The following TMEM62 variants were observed in gnomAD, a reference collection of about 807,000 sequenced individuals.
TMEM62 encodes the protein transmembrane protein 62.
Under a neutral mutation model 70.4 loss-of-function variants are expected in TMEM62, and 41 were observed. That is an observed-to-expected ratio of 0.58 (90% CI 0.45 to 0.76). TMEM62 has a LOEUF of 0.76. Ranked by LOEUF, TMEM62 falls within the 30% of genes least tolerant of loss-of-function variation. TMEM62 has a pLI of 0.00. For synonymous variants in TMEM62, 268 were observed against 291.0 expected (o/e 0.92, Z 0.80); for missense variants, 688 against 788.5 (o/e 0.87, Z 1.53).
chr15:43,167,223 C>G (rs533285444), intron 10 of TMEM62, among the ~76,000 whole-genome samples: 12 of 151,358 alleles, frequency 7.9e-5, no homozygotes, highest in Non-Finnish European at 1.6e-4. Flanking sequence ...GCTGACCCCC[C>G]ACCTCCCTCC....
At chr15:43,182,682 G>A (rs1337924772) in intron 13 of TMEM62, among the ~76,000 whole-genome samples, 1 of 152,078 alleles carries the variant, frequency 6.6e-6, no homozygotes, top group Non-Finnish European at 1.5e-5. Flanking sequence ...TCGAACTCCT[G>A]ACCTCAGGTG....
At chr15:43,163,497 C>G (rs1386361105) in intron 10 of TMEM62, among the ~76,000 whole-genome samples, 1 of 151,446 alleles carries the variant, frequency 6.6e-6, no homozygotes, top group Non-Finnish European at 1.5e-5. Flanking sequence ...AAATACGGTT[C>G]TGGGGCCGGG....
chr15:43,161,903 C>T (rs1240830820), intron 10 of TMEM62, among the ~76,000 whole-genome samples: 1 of 152,020 alleles, frequency 6.6e-6, no homozygotes, highest in Non-Finnish European at 1.5e-5. Flanking sequence ...CTCAGGCAAT[C>T]CACCCGCCTC....
At chr15:43,180,755 T>C (rs1308149953) in intron 12 of TMEM62, 1 of 154,032 alleles carries the variant, frequency 6.5e-6, no homozygotes, top group Non-Finnish European at 1.4e-5. Context: ...CTTAGAAAGA[T>C]TTCTTTCAAA....
At chr15:43,144,871 C>T (rs2036464541) in intron 4 of TMEM62, among the ~76,000 whole-genome samples, 1 of 152,058 alleles carries the variant, frequency 6.6e-6, no homozygotes, top group Non-Finnish European at 1.5e-5. Flanking sequence ...AGTGAATAGT[C>T]ACTTTAAAGT....
At chr15:43,177,665 G>A (rs1596354400) in intron 11 of TMEM62, among the ~76,000 whole-genome samples, 1 of 152,166 alleles carries the variant, frequency 6.6e-6, no homozygotes, top group East Asian at 1.9e-4. Flanking sequence ...GGAATACTAT[G>A]CAGCCATAAA....
rs530165649 is a variant in TMEM62, at chr15:43,176,951, C to T, written c.1382-1656C>T. Among the ~76,000 whole-genome samples, 66 of 152,040 alleles carry T rather than the reference C, an allele frequency of 4.3e-4. No homozygotes were observed. The East Asian group carries it at 0.01, about 24-fold the overall frequency. ...TTAAAAACTTTGAAAAAAATTTAGA[C>T]AAATGTGTAACTAGAATAACCAATA... On this transcript the variant is annotated intron_variant, in intron 11 of 13. Transcript: ENST00000260403.
chr15:43,170,950 C>T (rs192239936), intron 11 of TMEM62, among the ~76,000 whole-genome samples: 3 of 152,216 alleles, frequency 2.0e-5, no homozygotes, highest in Non-Finnish European at 2.9e-5. Context: ...CAAGTTATAT[C>T]GGAGGAAAAC....
intron 10 of TMEM62, among the ~76,000 whole-genome samples, chr15:43,168,151 G>C (rs1044478251): frequency 1.1e-5 from 1 of 93,022 alleles, no homozygotes; most frequent in South Asian, 4.1e-4. Flanking sequence ...GAGAGAGAGG[G>C]AGAGGGAGAG....
intron 10 of TMEM62, among the ~76,000 whole-genome samples, chr15:43,167,190 C>T (rs1479183277): frequency 4.0e-5 from 6 of 150,436 alleles, no homozygotes; most frequent in Admixed American, 6.6e-5. Flanking sequence ...CCCTCCCGGA[C>T]GGGTCGGCTG....
intron 3 of TMEM62, among the ~76,000 whole-genome samples, chr15:43,136,059 A>G (rs923131805): frequency 1.3e-5 from 2 of 151,862 alleles, no homozygotes; most frequent in African/African-American, 4.8e-5. Flanking sequence ...TTTTCTGTAC[A>G]TGGAAAAAAT....
At position 43,154,806 on chromosome 15, in the gene TMEM62, CACATA is replaced by C; in HGVS notation, c.1163_1167del (p.Asn388ArgfsTer12). 1 of 1,611,788 alleles carries C rather than the reference CACATA, an allele frequency of 6.2e-7. No individual in the cohort carries two copies. The highest frequency in any genetic ancestry group is 8.5e-7 in the Non-Finnish European group (1 of 1,179,104). On this transcript the variant is annotated frameshift_variant, in exon 9 of 14. Transcript: ENST00000260403. LOFTEE classifies it high-confidence loss of function. ...AATCCTAGAAACTACAGTAGTGGGACACATAACATAGAAGTAATCGTCCAGGTAAG... is the reference window on the plus strand; with the variant it reads ...AATCCTAGAAACTACAGTAGTGGGACACATAGAAGTAATCGTCCAGGTAAG...
At chr15:43,157,516 A>T (rs2038184862) in intron 9 of TMEM62, among the ~76,000 whole-genome samples, 1 of 152,296 alleles carries the variant, frequency 6.6e-6, no homozygotes, top group South Asian at 2.1e-4. Context: ...ACACAACTGT[A>T]AGTTCTTATT....
At position 43,184,670 on chromosome 15, in the gene TMEM62, G is replaced by A. The variant is rs1320556693; in HGVS notation, c.*84G>A. On this transcript the variant is annotated 3_prime_UTR_variant, in exon 14 of 14. Transcript: ENST00000260403. ...GGCCTCTACCCCAGTAGCAGGTGGA[G>A]GGCCAGGATTGGTGGGTGAGCTTTA... 43 of 1,291,818 alleles carry A rather than the reference G, an allele frequency of 3.3e-5. No homozygotes were observed. The highest frequency in any genetic ancestry group is 4.1e-5 in the Non-Finnish European group (38 of 937,244). The allele number at this position is 1,291,818 out of a possible 1,614,324, so 80.0% of individuals were successfully genotyped here.
Position 43,184,706 on chromosome 15 carries a change from G to A in TMEM62, c.*120G>A. On this transcript the variant is annotated 3_prime_UTR_variant, in exon 14 of 14. Transcript: ENST00000260403. ...GGTGGGTGAGCTTTAGGGAGCAGCTGCTCGTTTGGAGTCCTGGACGTTGGA... is the reference window on the plus strand; with the variant it reads ...GGTGGGTGAGCTTTAGGGAGCAGCTACTCGTTTGGAGTCCTGGACGTTGGA... 2 of 858,428 alleles carry A rather than the reference G, an allele frequency of 2.3e-6. No individual in the cohort carries two copies. Among genetic ancestry groups the A allele is most frequent in the Admixed American group, 2.7e-5 (1 of 36,386 alleles). The allele number at this position is 858,428 out of a possible 1,614,324, so 53.2% of individuals were successfully genotyped here.
intron 13 of TMEM62, among the ~76,000 whole-genome samples, chr15:43,182,722 G>A (rs2041472853): frequency 1.3e-5 from 2 of 152,090 alleles, no homozygotes; most frequent in South Asian, 4.1e-4. Flanking sequence ...CCAAAGTGCT[G>A]GGATTACAGG....
chr15:43,137,695 C>G (rs1448450420), intron 3 of TMEM62, among the ~76,000 whole-genome samples: 1 of 152,200 alleles, frequency 6.6e-6, no homozygotes, highest in East Asian at 1.9e-4. Context: ...CTCCACTGCC[C>G]GGGAATCATG....
intron 10 of TMEM62, among the ~76,000 whole-genome samples, chr15:43,163,899 T>G (rs1031420993): frequency 1.3e-5 from 2 of 152,208 alleles, no homozygotes; most frequent in African/African-American, 4.8e-5. Flanking sequence ...GGATCTTACT[T>G]TGAGAAACAA....
At chr15:43,153,691 TAC>T in intron 8 of TMEM62, among the ~76,000 whole-genome samples, 1 of 151,808 alleles carries the variant, frequency 6.6e-6, no homozygotes, top group African/African-American at 2.4e-5. Context: ...TGTGTGTATA[TAC>T]ACACATATGT....
Sources: allele counts gnomAD v4.1 joint callset (sites outside exome capture counted in the v4.1 genomes callset), GRCh38; gene constraint gnomAD v4.1.1; transcripts MANE v1.5; gene names NCBI Gene and HGNC (gene_info 2026-07-23, HGNC 2026-07-21).